MACROD2: variants seen among roughly 807,000 people sequenced by gnomAD.
MACROD2 encodes ADP-ribose glycohydrolase MACROD2.
A neutral mutation model predicts 70.4 loss-of-function variants in MACROD2; 36 were observed. The observed-to-expected ratio is 0.51, with a 90% confidence interval of 0.39 to 0.68. The LOEUF is 0.68. MACROD2 is among the 30% of genes least tolerant of loss of function. MACROD2 has a pLI of 0.00. For missense variants in MACROD2, 496 were observed against 538.4 expected (o/e 0.92, Z 0.78); for synonymous variants, 172 against 178.8 (o/e 0.96, Z 0.30).
chr20:15,556,742 G>A (rs573909606), intron 8 of MACROD2, among the ~76,000 whole-genome samples: 2 of 152,198 alleles, frequency 1.3e-5, no homozygotes, highest in Non-Finnish European at 2.9e-5. Context: ...AAGAACAAAT[G>A]TGGGTATAAA....
chr20:16,017,953 T>C (rs1307103271), intron 15 of MACROD2, among the ~76,000 whole-genome samples: 2 of 152,126 alleles, frequency 1.3e-5, no homozygotes, highest in African/African-American at 2.4e-5. Context: ...CTGAGACAGA[T>C]ATAATGTTTA....
intron 2 of MACROD2, among the ~76,000 whole-genome samples, chr20:14,012,837 T>C (rs913611066): frequency 6.6e-6 from 1 of 152,358 alleles, no homozygotes; most frequent in Admixed American, 6.5e-5. Flanking sequence ...CTTGAAATAC[T>C]TGAGGTCACC....
At chr20:14,274,262 C>T (rs1476248507) in intron 3 of MACROD2, among the ~76,000 whole-genome samples, 1 of 152,176 alleles carries the variant, frequency 6.6e-6, no homozygotes, top group Admixed American at 6.5e-5. Flanking sequence ...TACTGGCACA[C>T]CGAATCCAGC....
chr20:15,584,652 C>T (rs912961448), intron 8 of MACROD2, among the ~76,000 whole-genome samples: 7 of 152,218 alleles, frequency 4.6e-5, no homozygotes, highest in Non-Finnish European at 1.0e-4. Flanking sequence ...CAGACACACA[C>T]GTTTCTTCAT....
At chr20:14,429,111 T>C (rs939023704) in intron 3 of MACROD2, among the ~76,000 whole-genome samples, 1 of 152,214 alleles carries the variant, frequency 6.6e-6, no homozygotes, top group African/African-American at 2.4e-5. Context: ...CAGCTTAACC[T>C]TCACAAACTG....
intron 4 of MACROD2, among the ~76,000 whole-genome samples, chr20:14,527,104 TC>T (rs2085242770): frequency 6.6e-6 from 1 of 152,218 alleles, no homozygotes; most frequent in African/African-American, 2.4e-5. Context: ...TGGGCTCTCC[TC>T]CAACTGCCCC....
rs2047683833 is a variant in MACROD2 at position 15,523,813 on chromosome 20, C to G, written c.645+23966C>G. Among the ~76,000 whole-genome samples, 3 of 152,182 alleles carry G rather than the reference C, an allele frequency of 2.0e-5. No individual in the cohort carries two copies. In the South Asian group the frequency reaches 6.2e-4, roughly 31 times the overall value. ...GTGGTTTCCATGATCGATGGACAGT[C>G]TGAAGTCTAGAATAATGGTAACTAT... On this transcript the variant is annotated intron_variant, in intron 8 of 17. Coordinates refer to ENST00000684519, the MANE Select transcript of MACROD2 (RefSeq NM_001351661.2).
intron 5 of MACROD2, among the ~76,000 whole-genome samples, chr20:14,742,528 T>G (rs1056131231): frequency 3.9e-5 from 6 of 151,986 alleles, no homozygotes; most frequent in African/African-American, 1.4e-4. Context: ...TATCATTATG[T>G]TACTTCTAAG....
intron 8 of MACROD2, among the ~76,000 whole-genome samples, chr20:15,861,257 C>T (rs1031925911): frequency 1.3e-5 from 2 of 152,188 alleles, no homozygotes; most frequent in Non-Finnish European, 2.9e-5. Flanking sequence ...TGTCACTCAA[C>T]ATTATGATTT....
At chr20:15,116,667 T>C (rs1010980068) in intron 5 of MACROD2, among the ~76,000 whole-genome samples, 2 of 152,264 alleles carry the variant, frequency 1.3e-5, no homozygotes, top group Admixed American at 1.3e-4. Context: ...TAAATGTATT[T>C]TCTATTCCTT....
chr20:14,672,686 A>G (rs1325886597), intron 4 of MACROD2, among the ~76,000 whole-genome samples: 1 of 152,206 alleles, frequency 6.6e-6, no homozygotes, highest in Non-Finnish European at 1.5e-5. Flanking sequence ...TATTATACCC[A>G]TTACATAGAT....
chr20:15,799,497 A>T (rs1388645909), intron 8 of MACROD2, among the ~76,000 whole-genome samples: 1 of 152,098 alleles, frequency 6.6e-6, no homozygotes, highest in Non-Finnish European at 1.5e-5. Context: ...TCCCTCCTCC[A>T]TAAGATTAAT....
chr20:15,647,405 A>C (rs2049564572), intron 8 of MACROD2, among the ~76,000 whole-genome samples: 1 of 148,642 alleles, frequency 6.7e-6, no homozygotes, highest in South Asian at 2.1e-4. Context: ...ATGAGACAAG[A>C]GAGGAAGTCA....
intron 3 of MACROD2, among the ~76,000 whole-genome samples, chr20:14,420,978 C>G (rs2083870766): frequency 6.6e-6 from 1 of 152,218 alleles, no homozygotes; most frequent in Non-Finnish European, 1.5e-5. Context: ...CAGGCATGAG[C>G]TACTATGCCC....
chr20:14,598,538 G>T (rs1295321680), intron 4 of MACROD2, among the ~76,000 whole-genome samples: 4 of 152,176 alleles, frequency 2.6e-5, no homozygotes, highest in African/African-American at 9.6e-5. Context: ...AGTATATCTT[G>T]TTTATATTTT....
chr20:15,035,973 G>A (rs1280917821), intron 5 of MACROD2, among the ~76,000 whole-genome samples: 1 of 152,066 alleles, frequency 6.6e-6, no homozygotes, highest in East Asian at 1.9e-4. Flanking sequence ...CAACATCCAA[G>A]TCCAAGGGAA....
intron 3 of MACROD2, among the ~76,000 whole-genome samples, chr20:14,294,554 T>G (rs2082411837): frequency 6.6e-6 from 1 of 151,714 alleles, no homozygotes; most frequent in Admixed American, 6.6e-5. Context: ...TTTGATACAT[T>G]AATAGGAAGC....
chr20:15,026,731 T>C (rs753435714), intron 5 of MACROD2, among the ~76,000 whole-genome samples: 1 of 152,014 alleles, frequency 6.6e-6, no homozygotes, highest in Non-Finnish European at 1.5e-5. Context: ...TTTGGAGATA[T>C]CAATAAAAGA....
chr20:15,316,159 CA>C (rs1005821129), intron 6 of MACROD2, among the ~76,000 whole-genome samples: 7 of 142,356 alleles, frequency 4.9e-5, no homozygotes, highest in African/African-American at 1.3e-4. Flanking sequence ...AAATAAGGAA[CA>C]AAAAAAGTAT....
Sources: allele counts gnomAD v4.1 joint callset (sites outside exome capture counted in the v4.1 genomes callset), GRCh38; gene constraint gnomAD v4.1.1; transcripts MANE v1.5; gene names NCBI Gene and HGNC (gene_info 2026-07-23, HGNC 2026-07-21).